NRG1: variants seen among roughly 807,000 people sequenced by gnomAD.
The protein encoded by NRG1 is pro-neuregulin-1, membrane-bound isoform.
A neutral mutation model predicts 63.8 loss-of-function variants in NRG1; 18 were observed. The ratio of observed to expected loss-of-function variants is 0.28; its 90% CI spans 0.19 to 0.42. NRG1 has a LOEUF of 0.42. Ranked by LOEUF, NRG1 falls within the 10% of genes least tolerant of loss-of-function variation. The pLI is 1.00. For synonymous variants in NRG1, 302 were observed against 301.3 expected (o/e 1.00, Z -0.02); for missense variants, 762 against 814.7 (o/e 0.94, Z 0.79).
At chr8:32,684,290 A>C (rs1261670046) in intron 5 of NRG1, among the ~76,000 whole-genome samples, 1 of 152,242 alleles carries the variant, frequency 6.6e-6, no homozygotes, top group South Asian at 2.1e-4. Context: ...AACATTACCT[A>C]CATTTAAAGA....
At chr8:32,662,201 G>A (rs1394610093) in intron 5 of NRG1, among the ~76,000 whole-genome samples, 3 of 152,126 alleles carry the variant, frequency 2.0e-5, no homozygotes, top group Admixed American at 2.0e-4. Context: ...AGAATGGTCA[G>A]GAAAGGCTTC....
chr8:32,407,219 C>T (rs1046582615), intron 1 of NRG1, among the ~76,000 whole-genome samples: 24 of 144,980 alleles, frequency 1.7e-4, no homozygotes, highest in East Asian at 4.0e-4. Context: ...TACTCTGTGA[C>T]GCAATTCAAT....
chr8:31,896,810 C>G (rs1831617334), intron 1 of NRG1, among the ~76,000 whole-genome samples: 1 of 152,208 alleles, frequency 6.6e-6, no homozygotes, highest in Non-Finnish European at 1.5e-5. Context: ...TTGCTTGTTA[C>G]TCTATGCTTT....
At chr8:31,731,997 A>G (rs1330537218) in intron 1 of NRG1, among the ~76,000 whole-genome samples, 1 of 152,188 alleles carries the variant, frequency 6.6e-6, no homozygotes, top group East Asian at 1.9e-4. Context: ...AGTACATTTT[A>G]ATTCTTCATC....
chr8:31,774,441 T>C (rs55761237), intron 1 of NRG1, among the ~76,000 whole-genome samples: 31,245 of 152,160 alleles, frequency 0.21, 4,358 homozygotes, highest in East Asian at 0.65. Context: ...ATTGTCTTTT[T>C]CATACTGCAT....
exon 1 of NRG1, chr8:32,548,340 AGGCCAGGAGCTGAGC>A: frequency 9.9e-7 from 1 of 1,005,824 alleles, no homozygotes; most frequent in Non-Finnish European, 1.2e-6. Context: ...GCTCGCGCGG[AGGCCAGGAGCTGAGC>A]GGCGGCGGCT....
At chr8:32,531,279 G>A (rs1588138790) in intron 1 of NRG1, among the ~76,000 whole-genome samples, 1 of 152,078 alleles carries the variant, frequency 6.6e-6, no homozygotes, top group African/African-American at 2.4e-5. Context: ...AGGAAATTGA[G>A]AAGACCCTGT....
intron 1 of NRG1, among the ~76,000 whole-genome samples, chr8:32,252,353 T>C (rs1479547123): frequency 6.6e-6 from 1 of 152,216 alleles, no homozygotes. Flanking sequence ...CTTTAATCCA[T>C]CTTGAGTTAA....
chr8:32,444,071 TTCCC>T (rs199835236), intron 1 of NRG1, among the ~76,000 whole-genome samples: 1,779 of 150,620 alleles, frequency 0.012, 11 homozygotes, highest in Non-Finnish European at 0.018. Flanking sequence ...TCTCTTTCTC[TTCCC>T]TCCCTCCCTC....
intron 1 of NRG1, among the ~76,000 whole-genome samples, chr8:31,815,812 C>G (rs1358096809): frequency 6.6e-6 from 1 of 152,074 alleles, no homozygotes; most frequent in Non-Finnish European, 1.5e-5. Context: ...TACTTTTGCA[C>G]CAGCCTAGTA....
chr8:31,947,799 A>G (rs1802820509), intron 1 of NRG1, among the ~76,000 whole-genome samples: 1 of 151,916 alleles, frequency 6.6e-6, no homozygotes, highest in African/African-American at 2.4e-5. Flanking sequence ...CAAAAAAATT[A>G]ACTGGGTGTG....
chr8:31,664,908 C>T (rs759105367), intron 1 of NRG1, among the ~76,000 whole-genome samples: 1 of 152,136 alleles, frequency 6.6e-6, no homozygotes, highest in African/African-American at 2.4e-5. Context: ...TGTGGAGACA[C>T]CCAGACCTTA....
At position 32,743,007 on chromosome 8, in the gene NRG1, G is replaced by T. The variant is rs906108213; in HGVS notation, c.691+274G>T. On this transcript the variant is annotated intron_variant, in intron 7 of 11. Transcript: ENST00000356819. The stretch of plus-strand genomic sequence containing the variant: ...TTGAATGATGTGATACAAATTGATA[G>T]TCAATATCAAGCAGTGAAATATGAT... 4.8e-6 allele frequency: 6 copies of T among 1,253,096 alleles called. No homozygotes were observed. The African/African-American group carries it at 9.0e-5, about 19-fold the overall frequency. The allele number at this position is 1,253,096 out of a possible 1,614,324, so 77.6% of individuals were successfully genotyped here. A position where few individuals can be genotyped will look rare whatever the true frequency, so the allele number is the denominator to read the frequency against.
At chr8:32,322,392 T>G (rs1383490124) in intron 1 of NRG1, among the ~76,000 whole-genome samples, 1 of 151,022 alleles carries the variant, frequency 6.6e-6, no homozygotes, top group African/African-American at 2.4e-5. Context: ...TTAATTTGAT[T>G]GTTTTTAATG....
chr8:32,404,550 A>G (rs1813686761), intron 1 of NRG1, among the ~76,000 whole-genome samples: 1 of 141,226 alleles, frequency 7.1e-6, no homozygotes, highest in Non-Finnish European at 1.5e-5. Context: ...CCTCTTTTGT[A>G]GTGTCTCAGA....
At chr8:32,573,143 A>G (rs2466097) in intron 1 of NRG1, among the ~76,000 whole-genome samples, 31,254 of 152,144 alleles carry the variant, frequency 0.21, 3,909 homozygotes, top group Admixed American at 0.33. Flanking sequence ...CAGTTTGTTC[A>G]TAGACCTCAA....
chr8:31,923,241 T>G (rs1415230151), intron 1 of NRG1, among the ~76,000 whole-genome samples: 1 of 152,222 alleles, frequency 6.6e-6, no homozygotes. Context: ...TGTCAGATTT[T>G]TTTCTGCACC....
intron 1 of NRG1, among the ~76,000 whole-genome samples, chr8:32,369,229 G>A (rs573751039): frequency 6.6e-6 from 1 of 152,218 alleles, no homozygotes; most frequent in Non-Finnish European, 1.5e-5. Flanking sequence ...GAGGAGCCAC[G>A]TTCTCTCTCC....
At chr8:31,755,540 G>A (rs1816882905) in intron 1 of NRG1, among the ~76,000 whole-genome samples, 1 of 152,104 alleles carries the variant, frequency 6.6e-6, no homozygotes, top group Admixed American at 6.6e-5. Flanking sequence ...CTTAGAGGAA[G>A]TAAATAACGT....
Sources: allele counts gnomAD v4.1 joint callset (sites outside exome capture counted in the v4.1 genomes callset), GRCh38; gene constraint gnomAD v4.1.1; transcripts MANE v1.5; gene names NCBI Gene and HGNC (gene_info 2026-07-23, HGNC 2026-07-21).